TMEM116: variants seen among roughly 807,000 people sequenced by gnomAD.
TMEM116 encodes the protein transmembrane protein 116.
Under a neutral mutation model 44.3 loss-of-function variants are expected in TMEM116, and 38 were observed. That is an observed-to-expected ratio of 0.86 (90% CI 0.66 to 1.12). The LOEUF is 1.12. Among genes scored for constraint, TMEM116 ranks in the 50% most tolerant of loss-of-function variants. The pLI is 0.00. For synonymous variants in TMEM116, 132 were observed against 144.8 expected, an observed-to-expected ratio of 0.91 and a Z score of 0.64; for missense variants, 354 against 401.7, an observed-to-expected ratio of 0.88 and a Z score of 1.01.
Position 111,960,396 on chromosome 12 carries a change from G to C in TMEM116, c.211-17027C>G, listed in dbSNP as rs190210454. On this transcript the variant is annotated intron_variant, in intron 4 of 10. Coordinates refer to ENST00000552374, the MANE Select transcript of TMEM116 (RefSeq NM_001193531.2). ...AGTACCAGCTACTTGGAAGGCTGAGGCAGGAGAATGACGTGAACCCGGGAG... is the reference window on the plus strand; with the variant it reads ...AGTACCAGCTACTTGGAAGGCTGAGCCAGGAGAATGACGTGAACCCGGGAG... Among the ~76,000 whole-genome samples, 682 of 150,014 alleles carry C rather than the reference G, an allele frequency of 4.5e-3. 5 individuals are homozygous for C. The highest frequency in any genetic ancestry group is 0.016 in the African/African-American group (649 of 40,638).
chr12:112,005,376 C>CTA, intron 1 of TMEM116, 73 bp from the exon 2 acceptor site: 1 of 1,047,548 alleles, frequency 9.5e-7, no homozygotes, highest in Non-Finnish European at 1.2e-6. Context: ...TCATTATTAA[C>CTA]TATCTGTACA....
chr12:112,002,286 C>G (rs919622013), intron 3 of TMEM116, among the ~76,000 whole-genome samples: 3 of 151,386 alleles, frequency 2.0e-5, no homozygotes, highest in Non-Finnish European at 4.4e-5. Context: ...GATGGTGAAA[C>G]CCTGGCTGAG....
intron 4 of TMEM116, among the ~76,000 whole-genome samples, chr12:111,971,251 T>C (rs1197142631): frequency 6.6e-6 from 1 of 152,150 alleles, no homozygotes; most frequent in Non-Finnish European, 1.5e-5. Context: ...TAAAGTATGT[T>C]TTTTTCTTAC....
intron 4 of TMEM116, among the ~76,000 whole-genome samples, chr12:111,983,964 G>T (rs1034190417): frequency 6.6e-6 from 1 of 152,082 alleles, no homozygotes; most frequent in Non-Finnish European, 1.5e-5. Flanking sequence ...ACATTAAAAT[G>T]ATTATACACC....
intron 4 of TMEM116, among the ~76,000 whole-genome samples, chr12:111,943,919 G>A (rs1415457073): frequency 6.6e-6 from 1 of 152,008 alleles, no homozygotes; most frequent in Non-Finnish European, 1.5e-5. Context: ...AAGAACCACA[G>A]CATTATCCAC....
At chr12:112,002,393 C>CA (rs1160168400) in intron 3 of TMEM116, among the ~76,000 whole-genome samples, 1,124 of 66,608 alleles carry the variant, frequency 0.017, 6 homozygotes, top group African/African-American at 0.034. Context: ...AACTCTGTCT[C>CA]AAAAAAAAAA....
chr12:111,940,552 C>CATATATGTGT (rs1565874464), intron 5 of TMEM116, among the ~76,000 whole-genome samples: 5 of 129,466 alleles, frequency 3.9e-5, no homozygotes, highest in African/African-American at 1.2e-4. Flanking sequence ...TATACACACA[C>CATATATGTGT]ACATATATAT....
chr12:111,980,668 G>A (rs1338215161), intron 4 of TMEM116, among the ~76,000 whole-genome samples: 1 of 152,138 alleles, frequency 6.6e-6, no homozygotes, highest in Admixed American at 6.5e-5. Context: ...CTAGGGGAGG[G>A]TATGGTAGGT....
chr12:111,963,835 G>A (rs2074790551), intron 4 of TMEM116, among the ~76,000 whole-genome samples: 1 of 152,002 alleles, frequency 6.6e-6, no homozygotes, highest in African/African-American at 2.4e-5. Flanking sequence ...AAGAAATGCT[G>A]AGGAAAATAG....
At chr12:111,995,861 T>C (rs1381651587) in intron 3 of TMEM116, among the ~76,000 whole-genome samples, 1 of 149,792 alleles carries the variant, frequency 6.7e-6, no homozygotes, top group Non-Finnish European at 1.5e-5. Flanking sequence ...TGAGACTCCA[T>C]CTCTACAAAT....
intron 3 of TMEM116, chr12:111,993,389 G>T (rs966614732): frequency 5.5e-6 from 3 of 544,868 alleles, no homozygotes; most frequent in African/African-American, 3.8e-5. Context: ...CCATGCAGGT[G>T]TTCTGCAAGT....
chr12:111,999,832 C>G (rs1448077365), intron 3 of TMEM116, among the ~76,000 whole-genome samples: 1 of 152,178 alleles, frequency 6.6e-6, no homozygotes, highest in African/African-American at 2.4e-5. Flanking sequence ...TCACAACCCA[C>G]AGTGTGCCAC....
At position 112,003,814 on chromosome 12, in the gene TMEM116, G is replaced by A. The variant is rs1176394547; in HGVS notation, c.64C>T (p.Gln22Ter). 3.3e-6 allele frequency: 5 copies of A among 1,513,848 alleles called. No homozygotes were observed. The highest frequency in any genetic ancestry group is 3.5e-6 in the Non-Finnish European group (4 of 1,140,298). 93.8% of individuals were successfully genotyped at this position (1,513,848 alleles called of 1,614,324 possible). A position where few individuals can be genotyped will look rare whatever the true frequency, so the allele number is the denominator to read the frequency against. Residue 22 changes from glutamine (Q) to a stop codon, truncating the protein, a stop_gained, in exon 3 of 11, where the codon CAG becomes TAG. Transcript: ENST00000552374. LOFTEE classifies it high-confidence loss of function. ...AAATCACTCACCTCTGGAGATTTCT[G>A]TATATTATGGAATACAGCATAGGCA... ...LIAYAVFHNIQKSPEIRPLFY... is the reference protein window; with the variant it reads ...LIAYAVFHNI
chr12:111,982,640 C>T (rs950408533), intron 4 of TMEM116, among the ~76,000 whole-genome samples: 2 of 151,798 alleles, frequency 1.3e-5, no homozygotes, highest in Non-Finnish European at 2.9e-5. Flanking sequence ...GAAAATCAAT[C>T]AATCAATCAA....
intron 4 of TMEM116, among the ~76,000 whole-genome samples, chr12:111,952,036 T>C (rs2073773002): frequency 6.6e-6 from 1 of 151,818 alleles, no homozygotes; most frequent in East Asian, 1.9e-4. Context: ...CGAGACCATG[T>C]TGGCCAACAT....
intron 2 of TMEM116, 88 bp from the exon 3 acceptor site, chr12:112,003,951 T>A: frequency 7.1e-7 from 1 of 1,405,138 alleles, no homozygotes; most frequent in Non-Finnish European, 9.2e-7. Context: ...TTTTTACAGT[T>A]TTATTGGCAT....
chr12:112,003,295 G>A lies in TMEM116; in HGVS notation c.78+505C>T, dbSNP rs150794816. ...TTAATAGTTAATCTCAGGGCTGGGC[G>A]CGGTGGCTCACGCCTGTAATCCCAG... On this transcript the variant is annotated intron_variant, in intron 3 of 10. Transcript: ENST00000552374. Among the ~76,000 whole-genome samples, 64 of 152,210 alleles carry A rather than the reference G, an allele frequency of 4.2e-4. No homozygotes were observed. In the East Asian group the frequency reaches 0.01, roughly 24 times the overall value.
At chr12:111,997,529 T>A (rs1219677557) in intron 3 of TMEM116, among the ~76,000 whole-genome samples, 2 of 152,034 alleles carry the variant, frequency 1.3e-5, no homozygotes, top group African/African-American at 2.4e-5. Flanking sequence ...TACTATGGCC[T>A]GAGTGGCACA....
chr12:111,988,592 A>G (rs1203693846), intron 4 of TMEM116, among the ~76,000 whole-genome samples: 2 of 151,538 alleles, frequency 1.3e-5, no homozygotes, highest in African/African-American at 4.8e-5. Context: ...CCAGCTACTC[A>G]GGAGGCTGAG....
Sources: allele counts gnomAD v4.1 joint callset (sites outside exome capture counted in the v4.1 genomes callset), GRCh38; gene constraint gnomAD v4.1.1; transcripts MANE v1.5; gene names NCBI Gene and HGNC (gene_info 2026-07-23, HGNC 2026-07-21).